COQ8A: variants seen among roughly 807,000 people sequenced by gnomAD.
COQ8A encodes coenzyme Q8A.
Under a neutral mutation model 65.0 loss-of-function variants are expected in COQ8A, and 51 were observed. That is an observed-to-expected ratio of 0.78 (90% CI 0.63 to 0.99). The LOEUF (loss-of-function observed/expected upper bound fraction) is 0.99, where lower values mean the gene tolerates loss of function less well. Among genes scored for constraint, COQ8A ranks in the 50% least tolerant of loss-of-function variants. The pLI is 0.00. For synonymous variants in COQ8A, 371 were observed against 353.2 expected (o/e 1.05, Z -0.57); for missense variants, 940 against 875.0 (o/e 1.07, Z -0.94).
intron 4 of COQ8A, chr1:226,975,064 A>G (rs1034291167): frequency 1.3e-5 from 2 of 152,226 alleles, no homozygotes; most frequent in African/African-American, 2.4e-5. Context: ...CCAGACACAG[A>G]GAGACATTGG....
At chr1:226,969,670 TG>T (rs760426831) in intron 4 of COQ8A, among the ~76,000 whole-genome samples, 17 of 152,206 alleles carry the variant, frequency 1.1e-4, no homozygotes, top group Non-Finnish European at 1.9e-4. Context: ...GGGTAATGTT[TG>T]CATGTTACCT....
At position 226,986,806 on chromosome 1, in the gene COQ8A, G is replaced by T; in HGVS notation, c.*69G>T. The stretch of plus-strand genomic sequence containing the variant: ...CTCAGACAGGCCAAAAACCAGTAGC[G>T]AGGTCGTGGTGATGCTCTTTTTAAC... On this transcript the variant is annotated 3_prime_UTR_variant, in exon 15 of 15. Transcript: ENST00000366777. The T allele has an allele frequency of 3.2e-6, 5 of 1,557,290 alleles. No homozygotes were observed. The highest frequency in any genetic ancestry group is 4.3e-6 in the Non-Finnish European group (5 of 1,154,136).
At chr1:226,974,996 G>A (rs1476937368) in intron 4 of COQ8A, 2 of 152,260 alleles carry the variant, frequency 1.3e-5, no homozygotes, top group East Asian at 3.8e-4. Flanking sequence ...GGTAACCTGT[G>A]GATCCACCTG....
In COQ8A at chr1:226,940,300, A is replaced by AT. The variant is rs1282446983; in HGVS notation, c.-108dup. ...CCGGAGCGGGCGAGTTGGTAAACAG[A>AT]TCCGGAGCGCGTGGCGGGCGTCAGC... On this transcript the variant is annotated 5_prime_UTR_variant, in exon 1 of 15. Coordinates refer to ENST00000366777, the MANE Select transcript of COQ8A (RefSeq NM_020247.5). 1 of 152,248 alleles carries AT rather than the reference A, an allele frequency of 6.6e-6. No homozygotes were observed. Among genetic ancestry groups the AT allele is most frequent in the Non-Finnish European group, 1.5e-5 (1 of 68,208 alleles). The allele number at this position is 152,248 out of a possible 1,614,324, so 9.4% of individuals were successfully genotyped here.
Position 226,984,113 on chromosome 1 carries a change from C to T in COQ8A, c.1276C>T (p.Pro426Ser), listed in dbSNP as rs1004253103. ...ACCCAGGGACCTGCTGAAGGGCCACCCCTTCTTCTATGTGCCTGAGATTGT... is the reference window on the plus strand; with the variant it reads ...ACCCAGGGACCTGCTGAAGGGCCACTCCTTCTTCTATGTGCCTGAGATTGT... ...RKFRDLLKGH[P>S]FFYVPEIVDE... The change falls in exon 11 of 15, where the codon CCC becomes TCC. Residue 426 changes from proline to serine, a missense_variant. Physicochemically the swap from Pro to Ser is moderately conservative, Grantham distance 74 (BLOSUM62 -1). Transcript: ENST00000366777. The T allele has an allele frequency of 6.2e-7, 1 of 1,613,688 alleles. No homozygotes were observed. Among genetic ancestry groups the T allele is most frequent in the Non-Finnish European group, 8.5e-7 (1 of 1,179,986 alleles).
intron 4 of COQ8A, among the ~76,000 whole-genome samples, chr1:226,970,008 C>G (rs561020429): frequency 5.9e-5 from 9 of 152,208 alleles, no homozygotes; most frequent in African/African-American, 1.9e-4. Context: ...GCTCGGTCAC[C>G]CAGGCTGGAG....
At chr1:226,985,150 G>A in intron 13 of COQ8A, 104 bp from the exon 14 acceptor site, 1 of 1,331,102 alleles carries the variant, frequency 7.5e-7, no homozygotes, top group Non-Finnish European at 1.1e-6. Context: ...TGTGCAGGGA[G>A]AGGATGAGGG....
In COQ8A at chr1:226,983,761, G is replaced by T. The variant is rs753166346; in HGVS notation, c.1163G>T (p.Gly388Val). 1.2e-6 allele frequency: 2 copies of T among 1,613,136 alleles called. No homozygotes were observed. The highest frequency in any genetic ancestry group is 1.7e-6 in the Non-Finnish European group (2 of 1,179,992). Residue 388 changes from glycine to valine, a missense_variant and splice_region_variant, in exon 10 of 15, where the codon GGC becomes GTC. Gly to Val is a moderately radical substitution (Grantham distance 109). Transcript: ENST00000366777. ...GCTGATGCCCTCCTCCCTGGCCCAG[G>T]CCTGTTCCCCGAGCACCTGATCGAC... ...VLNMSNMLPE[G>V]LFPEHLIDVL...
intron 4 of COQ8A, among the ~76,000 whole-genome samples, chr1:226,970,168 T>G (rs138988550): frequency 0.039 from 5,979 of 152,226 alleles, 377 homozygotes; most frequent in African/African-American, 0.13. Context: ...GGCCAGGCTG[T>G]TCTTGAACTC....
Position 226,986,848 on chromosome 1 carries a change from G to T in COQ8A, c.*111G>T, listed in dbSNP as rs1467395241. 31 of 1,382,764 alleles carry T rather than the reference G, an allele frequency of 2.2e-5. No individual in the cohort carries two copies. Among genetic ancestry groups the T allele is most frequent in the Admixed American group, 4.0e-5 (2 of 49,804 alleles). 85.7% of individuals were successfully genotyped at this position (1,382,764 alleles called of 1,614,324 possible). A position where few individuals can be genotyped will look rare whatever the true frequency, so the allele number is the denominator to read the frequency against. On this transcript the variant is annotated 3_prime_UTR_variant, in exon 15 of 15. Transcript: ENST00000366777. ...CTTTTTAACTCCTTTGCCCAATAAGGGGGGTGGCTGCCTGGAGCCCCGTAG... is the reference window on the plus strand; with the variant it reads ...CTTTTTAACTCCTTTGCCCAATAAGTGGGGTGGCTGCCTGGAGCCCCGTAG...
intron 1 of COQ8A, among the ~76,000 whole-genome samples, chr1:226,960,385 GGTGTCAGTGGTGGTA>G: frequency 3.8e-5 from 1 of 26,196 alleles, no homozygotes; most frequent in Non-Finnish European, 1.0e-4. Flanking sequence ...GGTACTTGGT[GGTGTCAGTGGTGGTA>G]CTTGGTGGTG....
chr1:226,983,905 G>A lies in COQ8A; in HGVS notation c.1256+51G>A, dbSNP rs1215743500. 6 of 1,587,706 alleles carry A rather than the reference G, an allele frequency of 3.8e-6. No individual in the cohort carries two copies. The African/African-American group carries it at 8.1e-5, about 21-fold the overall frequency. On this transcript the variant is annotated intron_variant, in intron 10 of 14. Transcript: ENST00000366777. The stretch of plus-strand genomic sequence containing the variant: ...CGTGTTTGCACCAGGGAGGCAGAAG[G>A]GACCATGTTCAGCAGCTGGTGAAGG...
At chr1:226,951,395 A>G (rs1372372294) in intron 1 of COQ8A, among the ~76,000 whole-genome samples, 2 of 152,170 alleles carry the variant, frequency 1.3e-5, no homozygotes, top group Admixed American at 6.5e-5. Flanking sequence ...GAAAGTTGGC[A>G]TTGGACAACC....
chr1:226,945,124 CAGG>C (rs1656954064), intron 1 of COQ8A, among the ~76,000 whole-genome samples: 2 of 151,994 alleles, frequency 1.3e-5, no homozygotes, highest in African/African-American at 4.9e-5. Context: ...TTCTGCACTC[CAGG>C]GATGCATGGC....
intron 1 of COQ8A, among the ~76,000 whole-genome samples, chr1:226,954,405 C>T (rs1459413205): frequency 1.3e-5 from 2 of 152,250 alleles, no homozygotes; most frequent in Non-Finnish European, 2.9e-5. Context: ...CCTCCAGAAC[C>T]GGGGTTCTCA....
chr1:226,962,563 G>A (rs1227429599), intron 2 of COQ8A, among the ~76,000 whole-genome samples: 1 of 152,202 alleles, frequency 6.6e-6, no homozygotes, highest in Non-Finnish European at 1.5e-5. Context: ...ATTGGAGGTT[G>A]TGTCGCAGCT....
chr1:226,948,387 A>G (rs1321334608), intron 1 of COQ8A, among the ~76,000 whole-genome samples: 1 of 152,082 alleles, frequency 6.6e-6, no homozygotes, highest in Non-Finnish European at 1.5e-5. Flanking sequence ...GCCCACCTGG[A>G]TAATCCCCCA....
Position 226,965,681 on chromosome 1 carries a change from A to G in COQ8A, c.599A>G (p.His200Arg). Residue 200 changes from histidine to arginine, a missense_variant, in exon 4 of 15, where the codon CAT becomes CGT. His to Arg is a conservative substitution (Grantham distance 29). Transcript: ENST00000366777. ...CTCGTCTCCCTCCAGCTCAGCGAGC[A>G]TGCCCGGGAGCGGAAGGTGCCTGTG... ...NKQHKQTLSE[H>R]ARERKVPVTR... 1 of 1,614,088 alleles carries G rather than the reference A, an allele frequency of 6.2e-7. No homozygotes were observed. The highest frequency in any genetic ancestry group is 8.5e-7 in the Non-Finnish European group (1 of 1,180,030).
intron 1 of COQ8A, among the ~76,000 whole-genome samples, chr1:226,945,032 C>T (rs1481503260): frequency 1.3e-5 from 2 of 152,114 alleles, no homozygotes; most frequent in Non-Finnish European, 1.5e-5. Context: ...TCAGTATCTG[C>T]GTTGTTTTGA....
Sources: allele counts gnomAD v4.1 joint callset (sites outside exome capture counted in the v4.1 genomes callset), GRCh38; gene constraint gnomAD v4.1.1; transcripts MANE v1.5; gene names NCBI Gene and HGNC (gene_info 2026-07-23, HGNC 2026-07-21).